LMF1: variants seen among roughly 807,000 people sequenced by gnomAD.
The protein encoded by LMF1 is transmembrane protein 112.
In LMF1, 68 loss-of-function variants were observed where a neutral mutation model predicts 60.6. That is an observed-to-expected ratio of 1.12 (90% CI 0.92 to 1.37). LMF1 has a LOEUF of 1.37. Ranked by LOEUF, LMF1 falls within the 40% of genes most tolerant of loss-of-function variation. The pLI, the probability that LMF1 is intolerant of heterozygous loss-of-function variation, is 0.00. For synonymous variants in LMF1, 418 were observed against 324.7 expected, an observed-to-expected ratio of 1.29 and a Z score of -3.09; for missense variants, 948 against 767.2, an observed-to-expected ratio of 1.24 and a Z score of -2.78.
intron 3 of LMF1, chr16:933,962 C>A: frequency 7.0e-7 from 1 of 1,426,306 alleles, no homozygotes; most frequent in Non-Finnish European, 9.3e-7. Context: ...TGCTTTCCCT[C>A]TGCCCCAGGG....
At chr16:950,585 C>A (rs1167432234) in intron 2 of LMF1, among the ~76,000 whole-genome samples, 1 of 133,174 alleles carries the variant, frequency 7.5e-6, no homozygotes, top group African/African-American at 3.1e-5. Flanking sequence ...ACAGAGTCAG[C>A]CAATGACAGA....
At chr16:977,607 G>GCC (rs2073185367) in intron 1 of LMF1, among the ~76,000 whole-genome samples, 1 of 152,060 alleles carries the variant, frequency 6.6e-6, no homozygotes, top group African/African-American at 2.4e-5. Context: ...CGCCCGCCGG[G>GCC]CCCTCCCTGT....
intron 4 of LMF1, chr16:904,068 C>CATCGCCCACAGG (rs2070901727): frequency 5.9e-6 from 1 of 168,318 alleles, no homozygotes; most frequent in African/African-American, 3.8e-5. Context: ...GTGACCTCTG[C>CATCGCCCACAGG]ACTGCCTGTG....
chr16:937,710 A>T (rs1443237583), intron 2 of LMF1, among the ~76,000 whole-genome samples: 1 of 152,226 alleles, frequency 6.6e-6, no homozygotes, highest in African/African-American at 2.4e-5. Flanking sequence ...CCAGCTACTT[A>T]TCATCTGTAA....
chr16:895,257 G>T (rs898053033), intron 4 of LMF1, among the ~76,000 whole-genome samples: 3 of 152,188 alleles, frequency 2.0e-5, no homozygotes, highest in Non-Finnish European at 4.4e-5. Context: ...CTCCAGCCTC[G>T]GTCTCCTGCC....
upstream of LMF1, chr16:981,585 G>C (rs1297147313): frequency 1.3e-5 from 2 of 149,124 alleles, no homozygotes; most frequent in African/African-American, 4.9e-5. Context: ...GGCCCACGTG[G>C]TGCGGCGCCG....
chr16:934,252 T>C lies in LMF1; in HGVS notation c.506A>G (p.Tyr169Cys), dbSNP rs767339349. ...MSLVNVGHVW[Y>C]SFGWESQLLE... The stretch of plus-strand genomic sequence containing the variant: ...AAATGCATCTCACTTACCGAAAGAG[T>C]ACCTGAAAAACAAAAGAAGAAACGA... The change falls in exon 3 of 11, where the codon TAC (tyrosine) becomes TGC (cysteine). Residue 169 changes from tyrosine to cysteine, a missense_variant and splice_region_variant. Physicochemically the swap from Tyr to Cys is radical, Grantham distance 194. Coordinates refer to ENST00000262301, the MANE Select transcript of LMF1 (RefSeq NM_022773.4). The C allele has an allele frequency of 6.3e-7, 1 of 1,599,074 alleles. No individual in the cohort carries two copies. The highest frequency in any genetic ancestry group is 8.5e-7 in the Non-Finnish European group (1 of 1,179,688).
At chr16:898,247 G>C (rs745840853) in intron 4 of LMF1, among the ~76,000 whole-genome samples, 1 of 152,244 alleles carries the variant, frequency 6.6e-6, no homozygotes, top group Non-Finnish European at 1.5e-5. Context: ...CCCTGGGCTC[G>C]CTTGCTGCCT....
Position 863,781 on chromosome 16 carries a change from T to A in LMF1, c.1529+5163A>T, listed in dbSNP as rs7206114. Among the ~76,000 whole-genome samples, 1,043 of 152,260 alleles carry A rather than the reference T, an allele frequency of 6.9e-3. 18 individuals carry two copies. The highest frequency in any genetic ancestry group is 0.024 in the African/African-American group (1,007 of 41,510). On this transcript the variant is annotated intron_variant, in intron 10 of 10. Coordinates refer to ENST00000262301, the MANE Select transcript of LMF1 (RefSeq NM_022773.4). ...CCTGAGTAGCTGGGACTACAGGTGC[T>A]TCCACGGCATCCAGCTGATGTCAGA...
At chr16:895,808 G>C (rs2070646892) in intron 4 of LMF1, among the ~76,000 whole-genome samples, 3 of 152,320 alleles carry the variant, frequency 2.0e-5, no homozygotes, top group Admixed American at 1.3e-4. Context: ...GAGCCAGACG[G>C]GACACCACCC....
chr16:980,788 G>A (rs2073331861), intron 1 of LMF1: 1 of 152,268 alleles, frequency 6.6e-6, no homozygotes, highest in South Asian at 2.1e-4. Context: ...GTCCCCACCA[G>A]GGCGGCACAC....
At chr16:968,697 A>C (rs34316274) in intron 1 of LMF1, 1 of 152,102 alleles carries the variant, frequency 6.6e-6, no homozygotes, top group African/African-American at 2.4e-5. Context: ...TGCATATGTC[A>C]AGGAGAAATG....
chr16:970,747 A>G, intron 1 of LMF1, 41 bp downstream of exon 1: 3 of 1,481,212 alleles, frequency 2.0e-6, no homozygotes, highest in Non-Finnish European at 2.7e-6. Context: ...TGGTGCGCGG[A>G]GGTGACACTG....
At chr16:868,820 G>T in intron 10 of LMF1, 124 bp downstream of exon 10, 1 of 649,424 alleles carries the variant, frequency 1.5e-6, no homozygotes, top group South Asian at 1.7e-5. Context: ...CCCACCTCCT[G>T]CCTCTGCGGG....
chr16:887,421 G>A (rs28582067), intron 5 of LMF1, among the ~76,000 whole-genome samples: 16,644 of 152,236 alleles, frequency 0.11, 1,031 homozygotes, highest in East Asian at 0.28. Flanking sequence ...ACGGATTCCT[G>A]CAGCTCCTGC....
chr16:977,446 C>G (rs2073180672), intron 1 of LMF1, among the ~76,000 whole-genome samples: 1 of 152,244 alleles, frequency 6.6e-6, no homozygotes, highest in Non-Finnish European at 1.5e-5. Flanking sequence ...CCTGTAGTCA[C>G]TCTGTCTCTG....
At chr16:948,455 G>A (rs1455955772) in intron 2 of LMF1, among the ~76,000 whole-genome samples, 7 of 149,362 alleles carry the variant, frequency 4.7e-5, no homozygotes, top group African/African-American at 1.5e-4. Flanking sequence ...CAGAGACAAC[G>A]ACAGAGTCAG....
At chr16:863,082 A>G (rs370533511) in intron 10 of LMF1, among the ~76,000 whole-genome samples, 2 of 152,170 alleles carry the variant, frequency 1.3e-5, no homozygotes, top group African/African-American at 4.8e-5. Context: ...GAATTGGTCT[A>G]TTTCATCCAA....
rs2069923708 is a variant in LMF1 at position 874,809 on chromosome 16, T to TGTCACAGCGCGGCACAGGGGAGTACGCA, written c.898-3496_898-3469dup. Among the ~76,000 whole-genome samples, 2 of 151,964 alleles carry TGTCACAGCGCGGCACAGGGGAGTACGCA rather than the reference T, an allele frequency of 1.3e-5. No homozygotes were observed. Among genetic ancestry groups the TGTCACAGCGCGGCACAGGGGAGTACGCA allele is most frequent in the Non-Finnish European group, 2.9e-5 (2 of 67,976 alleles). ...GCTCAGAAGTCTCAGGGCACTCGGC[T>TGTCACAGCGCGGCACAGGGGAGTACGCA]GTCACAGCGCGGCACAGGGGAGTAC... On this transcript the variant is annotated intron_variant, in intron 6 of 10. Coordinates refer to ENST00000262301, the MANE Select transcript of LMF1 (RefSeq NM_022773.4). The surrounding 1 kb of genome is among the most constrained non-coding windows in gnomAD (Gnocchi z 4.1).
Sources: allele counts gnomAD v4.1 joint callset (sites outside exome capture counted in the v4.1 genomes callset), GRCh38; gene constraint gnomAD v4.1.1; non-coding constraint Gnocchi (gnomAD v3.1); transcripts MANE v1.5; gene names NCBI Gene and HGNC (gene_info 2026-07-23, HGNC 2026-07-21).